Variants in RASSF3 observed in about 807,000 individuals in gnomAD.
RASSF3 encodes the protein ras association domain-containing protein 3.
A neutral mutation model predicts 19.9 loss-of-function variants in RASSF3; 19 were observed. The observed-to-expected ratio is 0.96, with a 90% CI of 0.67 to 1.40. RASSF3 has a LOEUF of 1.40. RASSF3 is among the 40% of genes most tolerant of loss of function. The pLI is 0.00. For synonymous variants in RASSF3, 110 were observed against 104.2 expected, an observed-to-expected ratio of 1.06 and a Z score of -0.34; for missense variants, 306 against 289.8, an observed-to-expected ratio of 1.06 and a Z score of -0.41.
intron 1 of RASSF3, among the ~76,000 whole-genome samples, chr12:64,522,321 AT>A (rs769191105): frequency 1.3e-5 from 2 of 152,152 alleles, no homozygotes; most frequent in Non-Finnish European, 2.9e-5. Flanking sequence ...CAGCTGTCAA[AT>A]CTATTATTTT....
At chr12:64,578,735 G>T (rs1243457617) in intron 2 of RASSF3, among the ~76,000 whole-genome samples, 1 of 152,242 alleles carries the variant, frequency 6.6e-6, no homozygotes, top group Non-Finnish European at 1.5e-5. Flanking sequence ...CTGAAGGGCT[G>T]CCTGGCAGGA....
chr12:64,536,995 G>C (rs2136112913), intron 1 of RASSF3, among the ~76,000 whole-genome samples: 1 of 152,272 alleles, frequency 6.6e-6, no homozygotes, highest in South Asian at 2.1e-4. Flanking sequence ...CTTCCTGACG[G>C]CCACATCTCC....
chr12:64,608,929 G>A (rs572240910), upstream of RASSF3, among the ~76,000 whole-genome samples: 14 of 152,270 alleles, frequency 9.2e-5, 1 homozygote, highest in South Asian at 1.7e-3. Flanking sequence ...CTGTGTGGCC[G>A]AGAAGAAGAC....
chr12:64,636,733 G>A lies in RASSF3; in HGVS notation c.111+25990G>A, dbSNP rs866507572. The stretch of plus-strand genomic sequence containing the variant: ...AATACAAAATTAGCCGGGCATGGTG[G>A]TGCATGCCTGTAATCCCAGCCACTT... On this transcript the variant is annotated intron_variant, in intron 1 of 4. Coordinates refer to ENST00000542104, the MANE Select transcript of RASSF3 (RefSeq NM_178169.4). 3.3e-5 allele frequency among the ~76,000 whole-genome samples: 5 copies of A among 152,024 alleles called. No homozygotes were observed. The South Asian group carries it at 1.0e-3, about 32-fold the overall frequency.
chr12:64,541,736 G>A (rs1868937710), downstream of RASSF3: 1 of 398,522 alleles, frequency 2.5e-6, no homozygotes, highest in Non-Finnish European at 4.4e-6. Context: ...TGGACATCGT[G>A]CGTTTCGGTC....
intron 1 of RASSF3, among the ~76,000 whole-genome samples, chr12:64,523,384 C>G (rs561529217): frequency 2.6e-5 from 4 of 151,742 alleles, no homozygotes; most frequent in Non-Finnish European, 5.9e-5. Context: ...CCAGCCTGGG[C>G]GACAGAGTAA....
chr12:64,589,412 T>G (rs1187046993), intron 2 of RASSF3, among the ~76,000 whole-genome samples: 1 of 152,172 alleles, frequency 6.6e-6, no homozygotes, highest in Non-Finnish European at 1.5e-5. Flanking sequence ...ATTGTGCCAC[T>G]GCACTCCAGC....
chr12:64,644,847 A>G (rs1037500868), intron 1 of RASSF3, among the ~76,000 whole-genome samples: 2 of 152,198 alleles, frequency 1.3e-5, no homozygotes, highest in Non-Finnish European at 2.9e-5. Flanking sequence ...GTTTGTGTCT[A>G]TGTTAGTGTG....
At chr12:64,513,640 C>T (rs1205322246) in intron 1 of RASSF3, among the ~76,000 whole-genome samples, 2 of 152,070 alleles carry the variant, frequency 1.3e-5, no homozygotes, top group Admixed American at 6.6e-5. Context: ...CATAAGGGGT[C>T]TCAGATATGC....
chr12:64,530,781 C>T (rs1868692025), upstream of RASSF3, among the ~76,000 whole-genome samples: 1 of 152,190 alleles, frequency 6.6e-6, no homozygotes. Flanking sequence ...GTGGTAGCAT[C>T]TCACTGTGGT....
chr12:64,620,346 C>G (rs749482336), intron 1 of RASSF3, among the ~76,000 whole-genome samples: 4 of 152,020 alleles, frequency 2.6e-5, no homozygotes, highest in Admixed American at 6.6e-5. Context: ...TTGATTCTTC[C>G]ATAGACATTA....
chr12:64,546,756 G>A (rs1869070501), intron 2 of RASSF3, among the ~76,000 whole-genome samples: 1 of 152,160 alleles, frequency 6.6e-6, no homozygotes, highest in Admixed American at 6.5e-5. Flanking sequence ...TTGGATATGT[G>A]TGTCAGCTGA....
chr12:64,567,920 T>C (rs1246402931), intron 2 of RASSF3, among the ~76,000 whole-genome samples: 1 of 152,228 alleles, frequency 6.6e-6, no homozygotes, highest in Non-Finnish European at 1.5e-5. Flanking sequence ...CTAACTCGAG[T>C]TGGAGGCTGG....
exon 1 of RASSF3, chr12:64,507,039 G>A (rs934589820): frequency 1.0e-5 from 4 of 396,544 alleles, no homozygotes; most frequent in Non-Finnish European, 1.8e-5. Context: ...AGGTCTAAAG[G>A]ACAAGCCAAA....
chr12:64,624,482 T>A (rs1870914979), intron 1 of RASSF3, among the ~76,000 whole-genome samples: 1 of 151,834 alleles, frequency 6.6e-6, no homozygotes, highest in South Asian at 2.1e-4. Flanking sequence ...ACTATGTTGC[T>A]CAGTTTGGTC....
At chr12:64,588,780 A>C (rs1869861276) in intron 2 of RASSF3, among the ~76,000 whole-genome samples, 1 of 152,166 alleles carries the variant, frequency 6.6e-6, no homozygotes, top group Non-Finnish European at 1.5e-5. Context: ...ATATTAAATA[A>C]TGAGCATTTC....
At position 64,610,712 on chromosome 12, in the gene RASSF3, C is replaced by T; in HGVS notation, c.80C>T (p.Ala27Val). 6.3e-7 allele frequency: 1 copy of T among 1,592,978 alleles called. No individual in the cohort carries two copies. The highest frequency in any genetic ancestry group is 2.4e-5 in the East Asian group (1 of 42,036). Reference sequence around the variant, plus strand: ...GCCAGGACCTCCTTCTTCAGGAGAGCGCCCCAGGGCAAGCCCCGCTCCGGC... The same window carrying T: ...GCCAGGACCTCCTTCTTCAGGAGAGTGCCCCAGGGCAAGCCCCGCTCCGGC... ...FTARTSFFRR[A>V]PQGKPRSGQQ... is the part of the protein sequence containing the mutation. The change falls in exon 1 of 5, where the codon GCG (alanine) becomes GTG (valine). Residue 27 changes from alanine (A) to valine (V), a missense_variant. Transcript: ENST00000542104.
intron 2 of RASSF3, among the ~76,000 whole-genome samples, chr12:64,598,786 C>T (rs1222621824): frequency 1.3e-5 from 2 of 151,676 alleles, no homozygotes; most frequent in Non-Finnish European, 2.9e-5. Context: ...ATGTGCACAA[C>T]GTGCAGGTTT....
intron 1 of RASSF3, among the ~76,000 whole-genome samples, chr12:64,660,606 T>C (rs528984962): frequency 6.6e-6 from 1 of 152,310 alleles, no homozygotes; most frequent in East Asian, 1.9e-4. Context: ...TAAAAAAAGG[T>C]AGTGACTATC....
Sources: allele counts gnomAD v4.1 joint callset (sites outside exome capture counted in the v4.1 genomes callset), GRCh38; gene constraint gnomAD v4.1.1; transcripts MANE v1.5; gene names NCBI Gene and HGNC (gene_info 2026-07-23, HGNC 2026-07-21).